Variants in PKHD1 observed in about 807,000 individuals in gnomAD.
PKHD1 encodes fibrocystin.
Under a neutral mutation model 412.0 loss-of-function variants are expected in PKHD1, and 291 were observed. That is an observed-to-expected ratio of 0.71 (90% CI 0.64 to 0.78). PKHD1 has a LOEUF of 0.78. Ranked by LOEUF, PKHD1 falls within the 30% of genes least tolerant of loss-of-function variation. The pLI is 0.00. For missense variants in PKHD1, 4,825 were observed against 4,950.7 expected (o/e 0.97, Z 0.76); for synonymous variants, 1,777 against 1,821.5 (o/e 0.98, Z 0.62).
intron 53 of PKHD1, among the ~76,000 whole-genome samples, chr6:51,777,679 G>GAAAAAAAAAAAAAAAAAA (rs59379021): frequency 1.7e-5 from 2 of 118,796 alleles, no homozygotes; most frequent in Non-Finnish European, 3.5e-5. Context: ...GAGTCTTTGG[G>GAAAAAAAAAAAAAAAAAA]AAAAAAAAAA....
intron 65 of PKHD1, among the ~76,000 whole-genome samples, chr6:51,628,890 G>A (rs548585936): frequency 2.0e-5 from 3 of 152,130 alleles, no homozygotes; most frequent in Non-Finnish European, 4.4e-5. Flanking sequence ...GAACAGGTGA[G>A]AGAACTCAAT....
chr6:52,017,267 A>G (rs1053329523), intron 34 of PKHD1, 143 bp downstream of exon 34: 1 of 718,558 alleles, frequency 1.4e-6, no homozygotes, highest in Admixed American at 2.0e-5. Flanking sequence ...TGGAATCCAC[A>G]ATGGAATGGC....
At chr6:52,083,991 A>G (rs1009030592) in intron 2 of PKHD1, among the ~76,000 whole-genome samples, 11 of 152,040 alleles carry the variant, frequency 7.2e-5, no homozygotes, top group Non-Finnish European at 1.5e-4. Flanking sequence ...AAGGCAGTAT[A>G]GAATTTATAT....
At position 51,811,856 on chromosome 6, in the gene PKHD1, G is replaced by T. The variant is rs148878379; in HGVS notation, c.8302+19005C>A. Among the ~76,000 whole-genome samples, 631 of 152,254 alleles carry T rather than the reference G, an allele frequency of 4.1e-3. 4 individuals are homozygous for T. The highest frequency in any genetic ancestry group is 0.012 in the African/African-American group (485 of 41,564). On this transcript the variant is annotated intron_variant, in intron 52 of 66. Coordinates refer to ENST00000371117, the MANE Select transcript of PKHD1 (RefSeq NM_138694.4). ...GCAGTTATCCAGGGGAGGGCAAAAA[G>T]AAAGGGCTAAATGGTTCTTGATATT...
At chr6:52,048,736 G>A in intron 22 of PKHD1, 117 bp from the exon 23 acceptor site, 3 of 1,219,330 alleles carry the variant, frequency 2.5e-6, no homozygotes, top group African/African-American at 3.0e-5. Context: ...AGAGCTAAGG[G>A]ACCTGAGGAA....
At chr6:51,640,457 T>C (rs1819566) in intron 63 of PKHD1, among the ~76,000 whole-genome samples, 6,514 of 152,284 alleles carry the variant, frequency 0.043, 236 homozygotes, top group African/African-American at 0.093. Flanking sequence ...CTGCTAAGTA[T>C]AGTACATTAC....
At chr6:52,045,426 G>A (rs1243943511) in intron 24 of PKHD1, among the ~76,000 whole-genome samples, 1 of 152,192 alleles carries the variant, frequency 6.6e-6, no homozygotes, top group African/African-American at 2.4e-5. Flanking sequence ...AAGAAACAGT[G>A]CCATGAGATA....
intron 35 of PKHD1, among the ~76,000 whole-genome samples, chr6:51,999,373 T>C (rs1798093512): frequency 6.6e-6 from 1 of 152,198 alleles, no homozygotes; most frequent in Admixed American, 6.5e-5. Context: ...TTGTTTTTTT[T>C]CTGAGCTGAT....
intron 36 of PKHD1, among the ~76,000 whole-genome samples, chr6:51,939,311 C>A (rs536547905): frequency 6.6e-6 from 1 of 151,030 alleles, no homozygotes; most frequent in South Asian, 2.1e-4. Flanking sequence ...GTGTCTCTAC[C>A]CCTTCTCCGC....
chr6:51,658,998 T>C lies in PKHD1; in HGVS notation c.11128A>G (p.Ile3710Val), dbSNP rs918822514. The change falls in exon 61 of 67, where the codon ATC becomes GTC. Residue 3710 changes from isoleucine to valine, a missense_variant. Physicochemically the swap from Ile to Val is conservative, Grantham distance 29. Transcript: ENST00000371117. ...GVLENVLNMT[I>V]GALLVTQSKG... The stretch of plus-strand genomic sequence containing the variant: ...GACTGAGTAACTAGTAAGGCCCCGA[T>C]AGTCATATTCAGAACATTCTCTAGT... The C allele has an allele frequency of 5.0e-6, 8 of 1,613,118 alleles. No homozygotes were observed. The highest frequency in any genetic ancestry group is 2.2e-5 in the South Asian group (2 of 91,070).
chr6:52,064,886 T>G lies in PKHD1; in HGVS notation c.976+69A>C, dbSNP rs1193230794. On this transcript the variant is annotated intron_variant, in intron 13 of 66. Transcript: ENST00000371117. The stretch of plus-strand genomic sequence containing the variant: ...TGAGAAAGAATTCAAACACTTTTAT[T>G]TCTACTCGCCAGCCCATCATGATTA... 1.3e-5 allele frequency: 9 copies of G among 694,312 alleles called. 1 individual carries two copies. Among genetic ancestry groups the G allele is most frequent in the Non-Finnish European group, 2.2e-5 (9 of 417,438 alleles). 43.0% of individuals were successfully genotyped at this position (694,312 alleles called of 1,614,324 possible).
Position 51,999,949 on chromosome 6 carries a change from C to G in PKHD1, c.5751+10360G>C, listed in dbSNP as rs536559754. ...CCACTGAAACCCATTCAACTACTAT[C>G]TGAGACCCTTCATACCTGGGAAAGG... On this transcript the variant is annotated intron_variant, in intron 35 of 66. Transcript: ENST00000371117. Among the ~76,000 whole-genome samples the G allele has an allele frequency of 7.9e-5, 12 of 152,244 alleles. 2 individuals carry two copies. The East Asian group carries it at 2.3e-3, about 29-fold the overall frequency.
chr6:51,806,070 T>G (rs6920518), intron 52 of PKHD1, among the ~76,000 whole-genome samples: 18 of 126,616 alleles, frequency 1.4e-4, no homozygotes, highest in South Asian at 7.7e-4. Flanking sequence ...GCCACACTGA[T>G]GGGAGGGGGG....
intron 36 of PKHD1, among the ~76,000 whole-genome samples, chr6:51,950,089 T>C (rs965189476): frequency 1.3e-5 from 2 of 151,134 alleles, no homozygotes; most frequent in African/African-American, 2.4e-5. Flanking sequence ...AAATATGAAC[T>C]AGAAAGTGTT....
chr6:51,940,021 T>C (rs1788224606), intron 36 of PKHD1, among the ~76,000 whole-genome samples: 1 of 151,640 alleles, frequency 6.6e-6, no homozygotes, highest in Non-Finnish European at 1.5e-5. Flanking sequence ...TTAATGCTCC[T>C]TTTTCTTTAT....
chr6:52,043,865 C>T, intron 25 of PKHD1, 135 bp from the exon 26 acceptor site: 2 of 653,634 alleles, frequency 3.1e-6, no homozygotes. Flanking sequence ...TTCTATTTTT[C>T]CAGTAATTAA....
At chr6:51,650,437 G>A (rs1258298145) in intron 61 of PKHD1, among the ~76,000 whole-genome samples, 1 of 102,134 alleles carries the variant, frequency 9.8e-6, no homozygotes, top group African/African-American at 2.7e-5. Flanking sequence ...CAGGTCTCAT[G>A]AGGTATTTAT....
At chr6:51,747,259 A>G (rs1785315182) in intron 58 of PKHD1, among the ~76,000 whole-genome samples, 1 of 152,228 alleles carries the variant, frequency 6.6e-6, no homozygotes, top group Non-Finnish European at 1.5e-5. Flanking sequence ...GAACTGCACC[A>G]GTCGTGTCAC....
chr6:52,056,588 T>A, intron 18 of PKHD1, 110 bp downstream of exon 18: 1 of 888,350 alleles, frequency 1.1e-6, no homozygotes, highest in Non-Finnish European at 1.9e-6. Context: ...TTTCATATTT[T>A]TTTTTTACTC....
Sources: allele counts gnomAD v4.1 joint callset (sites outside exome capture counted in the v4.1 genomes callset), GRCh38; gene constraint gnomAD v4.1.1; transcripts MANE v1.5; gene names NCBI Gene and HGNC (gene_info 2026-07-23, HGNC 2026-07-21).